Variants in DYNC2H1 observed in about 807,000 individuals in gnomAD.
The protein encoded by DYNC2H1 is dynein cytoplasmic 2 heavy chain 1.
A neutral mutation model predicts 570.0 loss-of-function variants in DYNC2H1; 410 were observed. The observed-to-expected ratio is 0.72, with a 90% CI of 0.66 to 0.78. DYNC2H1 has a LOEUF of 0.78. Ranked by LOEUF, DYNC2H1 falls within the 30% of genes least tolerant of loss-of-function variation. The pLI, the probability that DYNC2H1 is intolerant of heterozygous loss-of-function variation, is 0.00. For missense variants in DYNC2H1, 4,865 were observed against 5,046.4 expected (o/e 0.96, Z 1.09); for synonymous variants, 1,688 against 1,677.6 (o/e 1.01, Z -0.15).
chr11:103,227,705 G>A (rs897432488), intron 59 of DYNC2H1, among the ~76,000 whole-genome samples: 6 of 152,136 alleles, frequency 3.9e-5, no homozygotes, highest in South Asian at 2.1e-4. Flanking sequence ...TCCATTTGTT[G>A]TAGGGTATAG....
chr11:103,318,359 T>C (rs3898988), intron 80 of DYNC2H1, among the ~76,000 whole-genome samples: 25,316 of 152,110 alleles, frequency 0.17, 2,300 homozygotes, highest in Admixed American at 0.26. Flanking sequence ...CCTAACTATA[T>C]AGATTACTTT....
In DYNC2H1 at chr11:103,136,223, TTTTA is replaced by T. The variant is rs1236309378; in HGVS notation, c.2574+283_2574+286del. On this transcript the variant is annotated intron_variant, in intron 17 of 88. Transcript: ENST00000375735. ...TTTTATTTTTATTTTTTATTTTTTA[TTTTA>T]TTTATTTTATTATTATTATACTTTA... 7.3e-5 allele frequency among the ~76,000 whole-genome samples: 11 copies of T among 150,996 alleles called. No individual in the cohort carries two copies. In the East Asian group the frequency reaches 2.1e-3, roughly 29 times the overall value.
At chr11:103,366,461 G>T (rs1165687384) in intron 83 of DYNC2H1, among the ~76,000 whole-genome samples, 1 of 152,004 alleles carries the variant, frequency 6.6e-6, no homozygotes, top group Non-Finnish European at 1.5e-5. Context: ...GTTTTTCATA[G>T]AATTTTTAGT....
Position 103,109,566 on chromosome 11 carries a change from C to T in DYNC2H1, c.-9C>T. 1 of 1,613,032 alleles carries T rather than the reference C, an allele frequency of 6.2e-7. No individual in the cohort carries two copies. The highest frequency in any genetic ancestry group is 1.3e-5 in the African/African-American group (1 of 75,058). On this transcript the variant is annotated 5_prime_UTR_variant, in exon 1 of 89. Coordinates refer to ENST00000375735, the MANE Select transcript of DYNC2H1 (RefSeq NM_001377.3). Reference sequence around the variant, plus strand: ...CCCTTCCCCCAACTTCCCTCCACCCCTTCCAATCATGGCGAACGGGACTGC... The same window carrying T: ...CCCTTCCCCCAACTTCCCTCCACCCTTTCCAATCATGGCGAACGGGACTGC...
intron 70 of DYNC2H1, among the ~76,000 whole-genome samples, chr11:103,273,845 A>G (rs541266912): frequency 1.3e-5 from 2 of 152,274 alleles, no homozygotes; most frequent in East Asian, 3.9e-4. Flanking sequence ...CTCATTCTTA[A>G]GGTCAGGATA....
chr11:103,310,987 C>A (rs1867563333), intron 78 of DYNC2H1, among the ~76,000 whole-genome samples: 1 of 151,954 alleles, frequency 6.6e-6, no homozygotes, highest in Non-Finnish European at 1.5e-5. Context: ...CAAGCGTGAG[C>A]CACCATACCC....
chr11:103,168,768 G>T lies in DYNC2H1; in HGVS notation c.4776G>T (p.Leu1592=). ...EDPGNTESGI[L]ELKLKALILD... The stretch of plus-strand genomic sequence containing the variant: ...ATTTCTGCCTAGAATCGGGCATCCT[G>T]GAGCTTAAACTTAAAGCCCTAATTC... Residue 1592 remains leucine (L), a synonymous_variant, in exon 32 of 89, where the codon CTG becomes CTT. Transcript: ENST00000375735. 1.2e-6 allele frequency: 2 copies of T among 1,612,582 alleles called. No homozygotes were observed. Among genetic ancestry groups the T allele is most frequent in the Non-Finnish European group, 1.7e-6 (2 of 1,179,356 alleles).
chr11:103,308,235 T>A (rs1867397172), intron 78 of DYNC2H1, among the ~76,000 whole-genome samples: 1 of 152,220 alleles, frequency 6.6e-6, no homozygotes, highest in South Asian at 2.1e-4. Context: ...AGAGTTTGAC[T>A]GCTTTAGCTA....
At chr11:103,476,726 T>C (rs12285644) in intron 88 of DYNC2H1, among the ~76,000 whole-genome samples, 5,467 of 148,432 alleles carry the variant, frequency 0.037, 346 homozygotes, top group African/African-American at 0.14. Flanking sequence ...AGAGCAGTTG[T>C]TGGTGTGTGG....
chr11:103,209,215 T>A lies in DYNC2H1; in HGVS notation c.8455-661T>A, dbSNP rs1319702876. On this transcript the variant is annotated intron_variant, in intron 52 of 88. Coordinates refer to ENST00000375735, the MANE Select transcript of DYNC2H1 (RefSeq NM_001377.3). This position sits in a 1 kb window ranked among gnomAD's most constrained non-coding sequence, Gnocchi z 4.2. The stretch of plus-strand genomic sequence containing the variant: ...CTTCAGCTCTATCAGGTGAAAGAAA[T>A]TGAAGCTATTTGGCTTAATTTAAAA... Among the ~76,000 whole-genome samples the A allele has an allele frequency of 6.6e-6, 1 of 152,122 alleles. No individual in the cohort carries two copies. The highest frequency in any genetic ancestry group is 2.4e-5 in the African/African-American group (1 of 41,442).
chr11:103,452,145 T>C (rs1944629638), intron 85 of DYNC2H1, among the ~76,000 whole-genome samples: 1 of 152,068 alleles, frequency 6.6e-6, no homozygotes, highest in African/African-American at 2.4e-5. Flanking sequence ...CAATAGTTTT[T>C]CCCCAGCATA....
intron 1 of DYNC2H1, among the ~76,000 whole-genome samples, chr11:103,112,432 C>T (rs971387443): frequency 3.9e-5 from 6 of 152,118 alleles, no homozygotes; most frequent in East Asian, 3.8e-4. Flanking sequence ...TTTTCTGTAA[C>T]GGGTCAGATA....
chr11:103,391,068 C>G (rs1284806377), intron 83 of DYNC2H1, among the ~76,000 whole-genome samples: 1 of 152,176 alleles, frequency 6.6e-6, no homozygotes, highest in Non-Finnish European at 1.5e-5. Context: ...GGGAAATTCT[C>G]CCTGATAATA....
chr11:103,116,072 C>G (rs1205487774), intron 4 of DYNC2H1, among the ~76,000 whole-genome samples: 1 of 152,058 alleles, frequency 6.6e-6, no homozygotes, highest in Non-Finnish European at 1.5e-5. Context: ...TAATTTTCTA[C>G]TCATTTCCAC....
rs1866487522 is a variant in DYNC2H1, at chr11:103,289,169, C to G, written c.11095+1564C>G. 1.3e-5 allele frequency among the ~76,000 whole-genome samples: 2 copies of G among 152,160 alleles called. No homozygotes were observed. The highest frequency in any genetic ancestry group is 4.1e-4 in the South Asian group (2 of 4,824). Reference sequence around the variant, plus strand: ...ATCTCCAATGTGACCAATCAGCACTCCCCACTTCCTAAGCCCCTACTCACC... The same window carrying G: ...ATCTCCAATGTGACCAATCAGCACTGCCCACTTCCTAAGCCCCTACTCACC... On this transcript the variant is annotated intron_variant, in intron 75 of 88. Coordinates refer to ENST00000375735, the MANE Select transcript of DYNC2H1 (RefSeq NM_001377.3). The surrounding 1 kb of genome is among the most constrained non-coding windows in gnomAD (Gnocchi z 4.2).
chr11:103,377,898 G>A (rs1013168954), intron 83 of DYNC2H1, among the ~76,000 whole-genome samples: 6 of 151,368 alleles, frequency 4.0e-5, no homozygotes, highest in South Asian at 2.1e-4. Flanking sequence ...CATCACACCC[G>A]GCTAATTTTT....
At chr11:103,279,230 A>G (rs1297998663) in intron 70 of DYNC2H1, among the ~76,000 whole-genome samples, 1 of 152,206 alleles carries the variant, frequency 6.6e-6, no homozygotes, top group Non-Finnish European at 1.5e-5. Context: ...ATAAAGACAT[A>G]ATTTTATTTA....
chr11:103,298,165 C>A (rs1181587345), intron 75 of DYNC2H1, among the ~76,000 whole-genome samples: 1 of 152,118 alleles, frequency 6.6e-6, no homozygotes, highest in Non-Finnish European at 1.5e-5. Flanking sequence ...ATCTCCTAAC[C>A]ACTCTTGACC....
intron 87 of DYNC2H1, among the ~76,000 whole-genome samples, chr11:103,468,183 T>C (rs945820430): frequency 6.6e-6 from 1 of 152,370 alleles, no homozygotes; most frequent in South Asian, 2.1e-4. Context: ...TTCTGAACTT[T>C]ATTCTATTCC....
Sources: allele counts gnomAD v4.1 joint callset (sites outside exome capture counted in the v4.1 genomes callset), GRCh38; gene constraint gnomAD v4.1.1; non-coding constraint Gnocchi (gnomAD v3.1); transcripts MANE v1.5; gene names NCBI Gene and HGNC (gene_info 2026-07-23, HGNC 2026-07-21).